The following DACH1 variants were observed in gnomAD, a reference collection of about 807,000 sequenced individuals.
DACH1 encodes dachshund homolog 1.
In DACH1, 12 loss-of-function variants were observed where a neutral mutation model predicts 54.2. The ratio of observed to expected loss-of-function variants is 0.22; its 90% confidence interval spans 0.14 to 0.36. The LOEUF (loss-of-function observed/expected upper bound fraction) is 0.36, where lower values mean the gene tolerates loss of function less well. Ranked by LOEUF, DACH1 falls within the 10% of genes least tolerant of loss-of-function variation. The pLI, the probability that DACH1 is intolerant of heterozygous loss-of-function variation, is 1.00. For missense variants in DACH1, 805 were observed against 929.8 expected, an observed-to-expected ratio of 0.87 and a Z score of 1.75; for synonymous variants, 386 against 366.2, an observed-to-expected ratio of 1.05 and a Z score of -0.62.
chr13:71,798,967 T>C (rs1041835994), intron 1 of DACH1, among the ~76,000 whole-genome samples: 7 of 152,070 alleles, frequency 4.6e-5, no homozygotes, highest in Admixed American at 1.3e-4. Context: ...TTTAGTAGCT[T>C]TTTTCCAACT....
chr13:71,625,264 A>G (rs1284114647), intron 3 of DACH1, among the ~76,000 whole-genome samples: 1 of 152,042 alleles, frequency 6.6e-6, no homozygotes, highest in Non-Finnish European at 1.5e-5. Flanking sequence ...TAACATTGCC[A>G]AGGCAGAGAA....
At chr13:71,764,529 C>T (rs1885536286) in intron 1 of DACH1, among the ~76,000 whole-genome samples, 1 of 151,992 alleles carries the variant, frequency 6.6e-6, no homozygotes, top group Non-Finnish European at 1.5e-5. Context: ...AAAACATAAA[C>T]AGCCCACAAA....
intron 1 of DACH1, among the ~76,000 whole-genome samples, chr13:71,716,198 T>A (rs1409167266): frequency 6.6e-6 from 1 of 152,098 alleles, no homozygotes; most frequent in Non-Finnish European, 1.5e-5. Context: ...ATTCTGCCTA[T>A]GATACATCTT....
chr13:71,654,418 A>G (rs1191042061), intron 2 of DACH1, among the ~76,000 whole-genome samples: 3 of 130,178 alleles, frequency 2.3e-5, no homozygotes, highest in African/African-American at 6.1e-5. Context: ...ATAAAATAAA[A>G]TAAAATAAAA....
chr13:71,523,725 G>T (rs1881760829), intron 6 of DACH1, among the ~76,000 whole-genome samples: 1 of 152,018 alleles, frequency 6.6e-6, no homozygotes, highest in African/African-American at 2.4e-5. Context: ...CCCAATGTGT[G>T]ATCACAAGTT....
intron 1 of DACH1, among the ~76,000 whole-genome samples, chr13:71,849,013 G>C (rs183925738): frequency 2.6e-5 from 4 of 152,080 alleles, no homozygotes. Context: ...CTCTTCTTAT[G>C]ACCCTACGGT....
At chr13:71,539,165 G>A (rs1207326758) in intron 6 of DACH1, among the ~76,000 whole-genome samples, 2 of 151,972 alleles carry the variant, frequency 1.3e-5, no homozygotes, top group East Asian at 3.9e-4. Context: ...CTCATTCACT[G>A]TTGTATAAAA....
chr13:71,797,331 CA>C (rs1323009538), intron 1 of DACH1, among the ~76,000 whole-genome samples: 1 of 151,742 alleles, frequency 6.6e-6, no homozygotes, highest in African/African-American at 2.4e-5. Flanking sequence ...GTGATGTGAT[CA>C]AAAAAATTAA....
chr13:71,587,162 T>C (rs1194870533), intron 3 of DACH1, among the ~76,000 whole-genome samples: 1 of 152,096 alleles, frequency 6.6e-6, no homozygotes, highest in Admixed American at 6.6e-5. Flanking sequence ...ATATAGTTTG[T>C]GTTTGTTGCA....
intron 6 of DACH1, among the ~76,000 whole-genome samples, chr13:71,498,154 C>G (rs945402445): frequency 6.6e-6 from 1 of 152,160 alleles, no homozygotes; most frequent in Non-Finnish European, 1.5e-5. Context: ...CATATGTATT[C>G]CACGCTTATT....
intron 5 of DACH1, 83 bp from the exon 6 acceptor site, chr13:71,557,241 T>C: frequency 8.0e-7 from 1 of 1,249,694 alleles, no homozygotes; most frequent in South Asian, 1.7e-5. Flanking sequence ...AATTAAACTC[T>C]CTTGGACTCA....
chr13:71,654,389 CAAAATAAAATAAAAT>C (rs540730866), intron 2 of DACH1, among the ~76,000 whole-genome samples: 800 of 60,344 alleles, frequency 0.013, 14 homozygotes, highest in African/African-American at 0.028. Flanking sequence ...GACTCTGTCT[CAAAATAAAATAAAAT>C]AAAATAAAAT....
intron 8 of DACH1, among the ~76,000 whole-genome samples, chr13:71,478,240 A>G (rs1446417196): frequency 6.6e-6 from 1 of 152,226 alleles, no homozygotes; most frequent in Admixed American, 6.5e-5. Context: ...GTGAAGCCAC[A>G]TTATTTAGAA....
intron 3 of DACH1, among the ~76,000 whole-genome samples, chr13:71,613,871 C>G (rs1792377452): frequency 6.6e-6 from 1 of 151,536 alleles, no homozygotes; most frequent in Admixed American, 6.6e-5. Flanking sequence ...GCCACCATGC[C>G]CAGCTAATTT....
intron 1 of DACH1, among the ~76,000 whole-genome samples, chr13:71,758,557 G>A (rs1885265012): frequency 6.6e-6 from 1 of 152,102 alleles, no homozygotes; most frequent in South Asian, 2.1e-4. Context: ...ATTTTTTTAT[G>A]GAGGAATACT....
rs1283037559 is a variant in DACH1, at chr13:71,866,107, G to A, written c.663C>T (p.His221=). The A allele has an allele frequency of 6.2e-7, 1 of 1,613,666 alleles. No individual in the cohort carries two copies. The highest frequency in any genetic ancestry group is 1.7e-5 in the Admixed American group (1 of 59,984). ...AGACCGTATGCAAGCCCCCCACCAAGTGCTTCAGGAACAGGTCGAAAGCCT... is the reference window on the plus strand; with the variant it reads ...AGACCGTATGCAAGCCCCCCACCAAATGCTTCAGGAACAGGTCGAAAGCCT... ...LPQAFDLFLK[H]LVGGLHTVYT... is the part of the protein sequence containing the mutation. The change falls in exon 1 of 11, where the codon CAC becomes CAT. Residue 221 remains histidine (H), a synonymous_variant. Coordinates refer to ENST00000613252, the MANE Select transcript of DACH1 (RefSeq NM_080759.6).
intron 1 of DACH1, among the ~76,000 whole-genome samples, chr13:71,705,349 T>C (rs1166553860): frequency 6.7e-6 from 1 of 149,378 alleles, no homozygotes; most frequent in Non-Finnish European, 1.5e-5. Context: ...AAAGCGCTAT[T>C]TAGGGACCGA....
At chr13:71,576,735 T>C (rs1176962600) in intron 3 of DACH1, among the ~76,000 whole-genome samples, 3 of 152,146 alleles carry the variant, frequency 2.0e-5, no homozygotes, top group African/African-American at 7.2e-5. Flanking sequence ...TGAGCAGATT[T>C]TGAGTATAAT....
At chr13:71,790,891 A>G (rs1202904515) in intron 1 of DACH1, among the ~76,000 whole-genome samples, 3 of 152,204 alleles carry the variant, frequency 2.0e-5, no homozygotes, top group Non-Finnish European at 4.4e-5. Flanking sequence ...AAAATTTACA[A>G]AACAGTTCAT....
Sources: allele counts gnomAD v4.1 joint callset (sites outside exome capture counted in the v4.1 genomes callset), GRCh38; gene constraint gnomAD v4.1.1; transcripts MANE v1.5; gene names NCBI Gene and HGNC (gene_info 2026-07-23, HGNC 2026-07-21).